WDR35: variants seen among roughly 807,000 people sequenced by gnomAD.
WDR35 encodes the protein WD repeat-containing protein 35.
Under a neutral mutation model 158.3 loss-of-function variants are expected in WDR35, and 118 were observed. The ratio of observed to expected loss-of-function variants is 0.75; its 90% CI spans 0.64 to 0.87. WDR35 has a LOEUF of 0.87. WDR35 is among the 40% of genes least tolerant of loss of function. The probability of loss-of-function intolerance (pLI) is 0.00; values close to 1 mark genes in which losing one functional copy is unlikely to be tolerated. For missense variants in WDR35, 1,263 were observed against 1,405.8 expected, an observed-to-expected ratio of 0.90 and a Z score of 1.62; for synonymous variants, 448 against 476.1, an observed-to-expected ratio of 0.94 and a Z score of 0.77.
chr2:19,923,329 A>G (rs565621955), intron 25 of WDR35, among the ~76,000 whole-genome samples: 192 of 152,296 alleles, frequency 1.3e-3, no homozygotes, highest in African/African-American at 4.5e-3. Flanking sequence ...AGAACGTGGA[A>G]CTAGCTGGAG....
In WDR35 at chr2:19,941,765, T is replaced by C. The variant is rs1260098008; in HGVS notation, c.1920A>G (p.Ile640Met). ...LEIKSVLLDE[I>M]LKDPEHPNKD... The stretch of plus-strand genomic sequence containing the variant: ...GTAACTTTTTAGGAATTACCTTTAA[T>C]ATCTCATCCAAAAGAACAGATTTAA... Residue 640 changes from isoleucine to methionine, a missense_variant, in exon 17 of 27, where the codon ATA becomes ATG. By Grantham distance (10) the Ile-to-Met change is conservative. Transcript: ENST00000281405. 3.2e-6 allele frequency: 5 copies of C among 1,551,890 alleles called. No homozygotes were observed. The highest frequency in any genetic ancestry group is 1.7e-4 in the Middle Eastern group (1 of 5,900).
Position 19,913,449 on chromosome 2 carries a change from G to A in WDR35, c.*109C>T. 1 of 1,402,800 alleles carries A rather than the reference G, an allele frequency of 7.1e-7. No individual in the cohort carries two copies. The highest frequency in any genetic ancestry group is 2.4e-5 in the East Asian group (1 of 41,848). The allele number at this position is 1,402,800 out of a possible 1,614,324, so 86.9% of individuals were successfully genotyped here. A position where few individuals can be genotyped will look rare whatever the true frequency, so the allele number is the denominator to read the frequency against. On this transcript the variant is annotated 3_prime_UTR_variant, in exon 27 of 27. Transcript: ENST00000281405. ...GCAAAAATTCAACTATAAATAATGA[G>A]GCTGATTTTCATACAAAACTCACAG... is the stretch of plus-strand genomic sequence containing the variant.
intron 25 of WDR35, 93 bp from the exon 26 acceptor site, chr2:19,914,370 G>T: frequency 6.6e-7 from 1 of 1,520,264 alleles, no homozygotes; most frequent in Non-Finnish European, 9.0e-7. Flanking sequence ...TGATTTCATT[G>T]AACTTGCATG....
At chr2:19,916,045 A>G (rs187091577) in intron 25 of WDR35, among the ~76,000 whole-genome samples, 1 of 152,226 alleles carries the variant, frequency 6.6e-6, no homozygotes, top group East Asian at 1.9e-4. Context: ...CAACTGAGGT[A>G]CCAGGTTCAT....
At chr2:19,940,826 C>T (rs1217443885) in intron 17 of WDR35, among the ~76,000 whole-genome samples, 1 of 152,216 alleles carries the variant, frequency 6.6e-6, no homozygotes, top group African/African-American at 2.4e-5. Flanking sequence ...GCTGTCCAGC[C>T]ATTTCTGACA....
At chr2:19,944,864 G>A (rs1670997040) in intron 16 of WDR35, among the ~76,000 whole-genome samples, 1 of 152,012 alleles carries the variant, frequency 6.6e-6, no homozygotes, top group Non-Finnish European at 1.5e-5. Context: ...AAACCCTTTG[G>A]CAGCTCAGGG....
At chr2:19,951,505 TCAAAG>T in intron 12 of WDR35, 21 bp from the exon 13 acceptor site, 2 of 1,587,192 alleles carry the variant, frequency 1.3e-6, no homozygotes, top group Non-Finnish European at 1.7e-6. Context: ...GATCAGAATT[TCAAAG>T]AAAGTTTAAG....
intron 13 of WDR35, among the ~76,000 whole-genome samples, chr2:19,949,656 T>C (rs11693384): frequency 0.25 from 38,642 of 152,104 alleles, 4,964 homozygotes; most frequent in African/African-American, 0.26. Context: ...ACACACAGTA[T>C]TTCCATTATC....
chr2:19,982,201 T>C (rs981357559), intron 3 of WDR35, among the ~76,000 whole-genome samples: 3 of 152,312 alleles, frequency 2.0e-5, no homozygotes, highest in Admixed American at 6.5e-5. Context: ...TGTCAGATGA[T>C]TGTGCCCAAC....
chr2:19,985,614 T>G (rs1185989587), intron 2 of WDR35, among the ~76,000 whole-genome samples: 8 of 145,322 alleles, frequency 5.5e-5, no homozygotes, highest in African/African-American at 2.0e-4. Context: ...CCGGGCGCAG[T>G]GGCTCACGCC....
Position 19,990,103 on chromosome 2 carries a change from C to T in WDR35, c.-88G>A. 5 of 1,564,566 alleles carry T rather than the reference C, an allele frequency of 3.2e-6. No individual in the cohort carries two copies. The highest frequency in any genetic ancestry group is 3.5e-6 in the Non-Finnish European group (4 of 1,149,154). On this transcript the variant is annotated 5_prime_UTR_variant, in exon 1 of 27. Coordinates refer to ENST00000281405, the MANE Select transcript of WDR35 (RefSeq NM_020779.4). ...CTCCAATCGGGAGTACCAGCAGCTC[C>T]GGAAAGCTCCCGTCGCCCTGGCAAC...
At chr2:19,954,089 T>C in intron 11 of WDR35, 111 bp from the exon 12 acceptor site, 2 of 1,197,512 alleles carry the variant, frequency 1.7e-6, no homozygotes, top group Non-Finnish European at 2.4e-6. Flanking sequence ...ATAGACAATA[T>C]ACCCCCACAT....
At chr2:19,973,750 G>A (rs369663635) in intron 7 of WDR35, 42 bp from the exon 8 acceptor site, 131 of 1,584,528 alleles carry the variant, frequency 8.3e-5, no homozygotes, top group Admixed American at 2.7e-4. Flanking sequence ...GGGAAAATAC[G>A]TAGCCTAGAG....
intron 10 of WDR35, among the ~76,000 whole-genome samples, chr2:19,962,723 C>T (rs560713713): frequency 3.7e-4 from 56 of 151,468 alleles, no homozygotes; most frequent in African/African-American, 1.0e-3. Flanking sequence ...TTACCCATAA[C>T]ATTTAAAAAA....
chr2:19,937,501 G>GA (rs928243581), intron 19 of WDR35, among the ~76,000 whole-genome samples: 5 of 148,020 alleles, frequency 3.4e-5, no homozygotes, highest in Non-Finnish European at 7.5e-5. Context: ...CCCATCAAAT[G>GA]AAAAAAAAAC....
chr2:19,928,336 C>A (rs1391120434), intron 25 of WDR35, among the ~76,000 whole-genome samples: 1 of 152,240 alleles, frequency 6.6e-6, no homozygotes, highest in Non-Finnish European at 1.5e-5. Context: ...AGAAACAAGG[C>A]TAATGACTGG....
intron 11 of WDR35, among the ~76,000 whole-genome samples, chr2:19,957,556 A>AT (rs35202505): frequency 0.22 from 32,010 of 145,560 alleles, 3,749 homozygotes; most frequent in African/African-American, 0.33. Context: ...AGGTTATTGG[A>AT]TTTTTTTTTT....
chr2:19,926,972 C>A (rs1324556950), intron 25 of WDR35, among the ~76,000 whole-genome samples: 2 of 152,132 alleles, frequency 1.3e-5, no homozygotes, highest in African/African-American at 4.8e-5. Flanking sequence ...GCAAGCAACA[C>A]CCGTTGAACA....
intron 23 of WDR35, 87 bp from the exon 24 acceptor site, chr2:19,931,496 C>A: frequency 1.3e-6 from 2 of 1,498,506 alleles, no homozygotes; most frequent in Non-Finnish European, 1.8e-6. Context: ...AAATTTGATT[C>A]CCTAAAAAAG....
Sources: gnomAD v4.1 joint callset for allele counts (sites outside exome capture counted in the v4.1 genomes callset) on GRCh38, gnomAD v4.1.1 for gene constraint, MANE v1.5 for transcripts, NCBI Gene and HGNC (gene_info 2026-07-23, HGNC 2026-07-21) for gene names.